The following SEMA3A variants were observed in gnomAD, a reference collection of about 807,000 sequenced individuals.
The protein encoded by SEMA3A is semaphorin-3A.
A neutral mutation model predicts 97.9 loss-of-function variants in SEMA3A; 29 were observed. The ratio of observed to expected loss-of-function variants is 0.30; its 90% confidence interval spans 0.22 to 0.40. The LOEUF is 0.40. Ranked by LOEUF, SEMA3A falls within the 10% of genes least tolerant of loss-of-function variation. The probability of loss-of-function intolerance (pLI) is 1.00; values close to 1 mark genes in which losing one functional copy is unlikely to be tolerated. For missense variants in SEMA3A, 763 were observed against 951.3 expected (o/e 0.80, Z 2.60); for synonymous variants, 321 against 323.7 (o/e 0.99, Z 0.09).
chr7:84,190,142 A>C (rs998717495), intron 1 of SEMA3A, among the ~76,000 whole-genome samples: 1 of 151,720 alleles, frequency 6.6e-6, no homozygotes, highest in Admixed American at 6.6e-5. Flanking sequence ...CTTGATTGCT[A>C]AAGTCTACAC....
At chr7:84,233,038 G>A (rs1799150939) in intron 3 of SEMA3A, among the ~76,000 whole-genome samples, 1 of 151,944 alleles carries the variant, frequency 6.6e-6, no homozygotes, top group Non-Finnish European at 1.5e-5. Flanking sequence ...GGTGGAATTG[G>A]TCTTTGGAGT....
At chr7:84,416,435 G>A (rs1322266275) in intron 1 of SEMA3A, among the ~76,000 whole-genome samples, 1 of 152,050 alleles carries the variant, frequency 6.6e-6, no homozygotes, top group African/African-American at 2.4e-5. Context: ...TATGAGCAGT[G>A]TGAAAATGGA....
chr7:84,061,907 T>C (rs779770467), intron 4 of SEMA3A, among the ~76,000 whole-genome samples: 4 of 152,202 alleles, frequency 2.6e-5, no homozygotes, highest in Non-Finnish European at 5.9e-5. Flanking sequence ...TGTGAAATAA[T>C]TTATGGGCTT....
intron 12 of SEMA3A, among the ~76,000 whole-genome samples, chr7:84,000,668 A>G (rs1790403942): frequency 6.6e-6 from 1 of 152,118 alleles, no homozygotes; most frequent in South Asian, 2.1e-4. Context: ...TCATGTAGCT[A>G]TGACTGTAGA....
At chr7:84,026,245 C>T (rs558296986) in intron 6 of SEMA3A, among the ~76,000 whole-genome samples, 32 of 152,262 alleles carry the variant, frequency 2.1e-4, no homozygotes, top group Middle Eastern at 3.4e-3. Context: ...TTAAGTACCT[C>T]GTATCTCTTA....
intron 3 of SEMA3A, among the ~76,000 whole-genome samples, chr7:84,119,893 T>C (rs972867920): frequency 6.6e-6 from 1 of 152,102 alleles, no homozygotes; most frequent in Non-Finnish European, 1.5e-5. Flanking sequence ...ACTCTAAAAG[T>C]ATGTACACTG....
chr7:84,179,359 C>G (rs1797665042), intron 1 of SEMA3A, among the ~76,000 whole-genome samples: 3 of 152,168 alleles, frequency 2.0e-5, no homozygotes, highest in Admixed American at 2.0e-4. Flanking sequence ...CTCAGATACA[C>G]AGCATACATT....
Position 84,087,855 on chromosome 7 carries a change from GT to G in SEMA3A, c.453+22614del, listed in dbSNP as rs373074605. Among the ~76,000 whole-genome samples, 695 of 152,160 alleles carry G rather than the reference GT, an allele frequency of 4.6e-3. 8 individuals carry two copies. The highest frequency in any genetic ancestry group is 0.016 in the African/African-American group (663 of 41,516). ...TTTACTATTGTTGGCCTTCCTCTATGTTTTTGCATTTTGTTTTACTCTTATT... is the reference window on the plus strand; with the variant it reads ...TTTACTATTGTTGGCCTTCCTCTATGTTTTGCATTTTGTTTTACTCTTATT... On this transcript the variant is annotated intron_variant, in intron 4 of 16. Coordinates refer to ENST00000265362, the MANE Select transcript of SEMA3A (RefSeq NM_006080.3).
chr7:84,022,884 GAACA>G (rs932943168), intron 6 of SEMA3A, among the ~76,000 whole-genome samples: 3 of 152,190 alleles, frequency 2.0e-5, no homozygotes, highest in Non-Finnish European at 2.9e-5. Context: ...AGTGGAAGCT[GAACA>G]AACAATCACA....
At chr7:84,081,832 T>A (rs569412483) in intron 4 of SEMA3A, among the ~76,000 whole-genome samples, 124 of 152,136 alleles carry the variant, frequency 8.2e-4, no homozygotes, top group African/African-American at 2.8e-3. Flanking sequence ...TTAAGTAACA[T>A]AAATATGCAT....
At chr7:84,050,758 G>A (rs543090620) in intron 5 of SEMA3A, among the ~76,000 whole-genome samples, 1 of 152,204 alleles carries the variant, frequency 6.6e-6, no homozygotes, top group Admixed American at 6.5e-5. Context: ...CATGGCTTTT[G>A]GTGTTTTAGA....
chr7:84,008,433 G>A (rs1584539820), intron 9 of SEMA3A, among the ~76,000 whole-genome samples: 1 of 148,442 alleles, frequency 6.7e-6, no homozygotes, highest in East Asian at 2.1e-4. Flanking sequence ...AGAGCTTGCA[G>A]TGAGCCTAGA....
intron 4 of SEMA3A, among the ~76,000 whole-genome samples, chr7:84,099,924 G>T (rs549222285): frequency 7.9e-5 from 12 of 152,194 alleles, no homozygotes; most frequent in African/African-American, 2.9e-4. Flanking sequence ...TGGCAATAGT[G>T]GTTTTGTCTG....
intron 1 of SEMA3A, among the ~76,000 whole-genome samples, chr7:84,399,934 G>A (rs151309721): frequency 4.5e-4 from 69 of 152,318 alleles, no homozygotes; most frequent in African/African-American, 1.6e-3. Flanking sequence ...CATAGAGAGA[G>A]GCTCTTTCTA....
chr7:84,132,671 T>G lies in SEMA3A; in HGVS notation c.270+2123A>C, dbSNP rs1275803206. Among the ~76,000 whole-genome samples the G allele has an allele frequency of 2.5e-4, 32 of 127,844 alleles. 1 individual carries two copies. Among genetic ancestry groups the G allele is most frequent in the African/African-American group, 7.8e-4 (27 of 34,732 alleles). 83.9% of individuals were successfully genotyped at this position (127,844 alleles called of 152,430 possible). ...TCTTCATCGACTTGGTGTTTTTTTTTTTTTTTTTTTTTTTTTTTTTTTGAG... is the reference window on the plus strand; with the variant it reads ...TCTTCATCGACTTGGTGTTTTTTTTGTTTTTTTTTTTTTTTTTTTTTTGAG... On this transcript the variant is annotated intron_variant, in intron 2 of 16. Transcript: ENST00000265362.
intron 1 of SEMA3A, among the ~76,000 whole-genome samples, chr7:84,162,730 G>A (rs760066854): frequency 1.3e-5 from 2 of 152,150 alleles, no homozygotes; most frequent in Non-Finnish European, 2.9e-5. Flanking sequence ...AGAGAGCTTG[G>A]GCACCTCAGG....
At chr7:83,995,650 T>G (rs1296099326) in intron 12 of SEMA3A, among the ~76,000 whole-genome samples, 1 of 152,198 alleles carries the variant, frequency 6.6e-6, no homozygotes, top group East Asian at 1.9e-4. Context: ...AGATATGGCT[T>G]TATAAGCATG....
intron 1 of SEMA3A, among the ~76,000 whole-genome samples, chr7:84,465,382 TG>T (rs1295905365): frequency 1.3e-5 from 2 of 152,150 alleles, no homozygotes; most frequent in Non-Finnish European, 2.9e-5. Context: ...TAAAGAACAT[TG>T]AAAACCAACT....
chr7:84,269,342 T>C (rs1584187939), intron 3 of SEMA3A, among the ~76,000 whole-genome samples: 1 of 152,284 alleles, frequency 6.6e-6, no homozygotes, highest in East Asian at 1.9e-4. Flanking sequence ...AGTAGCTTAT[T>C]CTTAGACACA....
Sources: gnomAD v4.1 joint callset for allele counts (sites outside exome capture counted in the v4.1 genomes callset) on GRCh38, gnomAD v4.1.1 for gene constraint, MANE v1.5 for transcripts, NCBI Gene and HGNC (gene_info 2026-07-23, HGNC 2026-07-21) for gene names.